Variants in ABLIM1 observed in about 807,000 individuals in gnomAD.
ABLIM1 encodes the protein actin-binding LIM protein 1.
In ABLIM1, 40 loss-of-function variants were observed where a neutral mutation model predicts 107.0. The ratio of observed to expected loss-of-function variants is 0.37; its 90% confidence interval spans 0.29 to 0.49. The LOEUF (loss-of-function observed/expected upper bound fraction) is 0.49, where lower values mean the gene tolerates loss of function less well. ABLIM1 is among the 20% of genes least tolerant of loss of function. The probability of loss-of-function intolerance (pLI) is 0.97; values close to 1 mark genes in which losing one functional copy is unlikely to be tolerated. For missense variants in ABLIM1, 857 were observed against 1,008.5 expected, an observed-to-expected ratio of 0.85 and a Z score of 2.04; for synonymous variants, 357 against 357.3, an observed-to-expected ratio of 1.00 and a Z score of 0.01.
intron 2 of ABLIM1, among the ~76,000 whole-genome samples, chr10:114,576,447 A>G (rs2072564612): frequency 6.6e-6 from 1 of 152,222 alleles, no homozygotes; most frequent in East Asian, 1.9e-4. Context: ...GCTATCCCCA[A>G]GGTCAACTGA....
intron 5 of ABLIM1, among the ~76,000 whole-genome samples, chr10:114,546,879 C>G (rs2067417280): frequency 6.6e-6 from 1 of 152,090 alleles, no homozygotes; most frequent in Non-Finnish European, 1.5e-5. Context: ...CTCCTGGGCT[C>G]AAGTGATCCT....
At position 114,697,406 on chromosome 10, in the gene ABLIM1, ACG is replaced by A. The variant is rs570851976; in HGVS notation, c.-213+70653_-213+70654del. On this transcript the variant is annotated intron_variant, in intron 1 of 15. Transcript: ENST00000651092. ...TGGTGATCAGCCCTCAGGAGCTGGC[ACG>A]CGGTTTTCGAAGCAGCTGATCTGCC... Among the ~76,000 whole-genome samples, 7 of 152,358 alleles carry A rather than the reference ACG, an allele frequency of 4.6e-5. No homozygotes were observed. The South Asian group carries it at 1.4e-3, about 32-fold the overall frequency.
intron 6 of ABLIM1, among the ~76,000 whole-genome samples, chr10:114,521,323 C>G (rs1372360518): frequency 6.6e-6 from 1 of 152,182 alleles, no homozygotes; most frequent in Non-Finnish European, 1.5e-5. Flanking sequence ...TACTTACTTG[C>G]AAAACAAAGA....
intron 1 of ABLIM1, among the ~76,000 whole-genome samples, chr10:114,752,161 T>G (rs1190525170): frequency 6.6e-6 from 1 of 152,174 alleles, no homozygotes; most frequent in Non-Finnish European, 1.5e-5. Flanking sequence ...TCAGGTCTTG[T>G]AAGTGGAAGA....
chr10:114,582,930 A>G (rs2073573690), intron 2 of ABLIM1, among the ~76,000 whole-genome samples: 1 of 152,138 alleles, frequency 6.6e-6, no homozygotes. Context: ...CCTAAGAAAT[A>G]CCCTTCTGGA....
rs1159289055 is a variant in ABLIM1, at chr10:114,704,298, CTCTCTATATATATATA to C, written c.-213+63747_-213+63762del. ...TCTCTCTCTCTCTCTCTCTCTCTCT[CTCTCTATATATATATA>C]TATATATATATATATATATATTGCG... On this transcript the variant is annotated intron_variant, in intron 1 of 15. Coordinates refer to the ABLIM1 transcript ENST00000651092. Among the ~76,000 whole-genome samples, 209 of 28,752 alleles carry C rather than the reference CTCTCTATATATATATA, an allele frequency of 7.3e-3. 1 individual carries two copies. The highest frequency in any genetic ancestry group is 0.026 in the African/African-American group (201 of 7,634). 18.9% of individuals were successfully genotyped at this position (28,752 alleles called of 152,430 possible).
At chr10:114,778,247 C>T in the ABLIM1 span, 1 of 152,382 alleles carries the variant, frequency 6.6e-6, no homozygotes, top group Non-Finnish European at 1.5e-5. Context: ...ACCTGTGGTC[C>T]CAGCTACTCA....
At chr10:114,674,421 T>G (rs1404231926) in intron 1 of ABLIM1, among the ~76,000 whole-genome samples, 2 of 152,240 alleles carry the variant, frequency 1.3e-5, no homozygotes, top group Non-Finnish European at 2.9e-5. Flanking sequence ...AAATGTTTCA[T>G]ATTCTCAGCC....
intron 1 of ABLIM1, among the ~76,000 whole-genome samples, chr10:114,620,135 G>A (rs1400048083): frequency 6.6e-6 from 1 of 152,156 alleles, no homozygotes; most frequent in East Asian, 1.9e-4. Context: ...CAAACTTTGG[G>A]TCTTGAACCA....
the ABLIM1 span, among the ~76,000 whole-genome samples, chr10:114,786,790 C>A: frequency 6.6e-6 from 1 of 152,242 alleles, no homozygotes; most frequent in Non-Finnish European, 1.5e-5. Flanking sequence ...GTCTCCTTCA[C>A]TCAGTGCTCA....
At chr10:114,747,851 C>A (rs974021041) in intron 1 of ABLIM1, among the ~76,000 whole-genome samples, 5 of 152,248 alleles carry the variant, frequency 3.3e-5, no homozygotes, top group African/African-American at 9.6e-5. Flanking sequence ...ACCAGCCTAG[C>A]CAATATGGTG....
chr10:114,456,132 CA>C (rs1194727681), intron 12 of ABLIM1, among the ~76,000 whole-genome samples: 3 of 152,150 alleles, frequency 2.0e-5, no homozygotes, highest in African/African-American at 4.8e-5. Flanking sequence ...CAACTTTAAG[CA>C]AAACAACATA....
intron 1 of ABLIM1, among the ~76,000 whole-genome samples, chr10:114,759,839 G>T (rs943608640): frequency 3.9e-5 from 6 of 152,128 alleles, no homozygotes; most frequent in African/African-American, 1.4e-4. Context: ...GATAGCCCCA[G>T]TATACACCTA....
Position 114,733,582 on chromosome 10 carries a change from A to T in ABLIM1, c.-213+34479T>A, listed in dbSNP as rs115764181. 9.1e-3 allele frequency among the ~76,000 whole-genome samples: 1,391 copies of T among 152,276 alleles called. 23 individuals carry two copies. The highest frequency in any genetic ancestry group is 0.032 in the African/African-American group (1,339 of 41,556). On this transcript the variant is annotated intron_variant, in intron 1 of 15. Transcript: ENST00000651092. ...ACCCTACTGAGATAAATCCTTCAAG[A>T]TGTCACACCCCATTTTCTTCAGTAC... is the stretch of plus-strand genomic sequence containing the variant.
chr10:114,464,108 C>T (rs904125371), intron 12 of ABLIM1, among the ~76,000 whole-genome samples: 4 of 152,028 alleles, frequency 2.6e-5, no homozygotes, highest in East Asian at 3.9e-4. Context: ...TATAACCCCA[C>T]GCCGCTCCGG....
At chr10:114,757,254 T>C (rs892518096) in intron 1 of ABLIM1, among the ~76,000 whole-genome samples, 3 of 152,196 alleles carry the variant, frequency 2.0e-5, no homozygotes, top group Non-Finnish European at 2.9e-5. Context: ...TAACAGTAAA[T>C]AGAGCATCCT....
the ABLIM1 span, among the ~76,000 whole-genome samples, chr10:114,794,102 A>T: frequency 6.6e-6 from 1 of 152,184 alleles, no homozygotes; most frequent in Admixed American, 6.5e-5. Context: ...CTGTGGCTAC[A>T]CAAGTCTCCT....
At chr10:114,565,833 C>T (rs1024394929) in intron 4 of ABLIM1, among the ~76,000 whole-genome samples, 2 of 117,676 alleles carry the variant, frequency 1.7e-5, no homozygotes, top group African/African-American at 3.2e-5. Context: ...CTCGATCTGT[C>T]GCCCAGGCTG....
chr10:114,664,376 C>T (rs531310733), intron 1 of ABLIM1, among the ~76,000 whole-genome samples: 6 of 152,236 alleles, frequency 3.9e-5, no homozygotes, highest in African/African-American at 1.2e-4. Context: ...GGAAACCAGG[C>T]GTGGGTGTGC....
Sources: allele counts gnomAD v4.1 joint callset (sites outside exome capture counted in the v4.1 genomes callset), GRCh38; gene constraint gnomAD v4.1.1; transcripts MANE v1.5; gene names NCBI Gene and HGNC (gene_info 2026-07-23, HGNC 2026-07-21).